PGBD2: variants seen among roughly 807,000 people sequenced by gnomAD.
PGBD2 encodes piggyBac transposable element-derived protein 2.
In PGBD2, 6 loss-of-function variants were observed where a neutral mutation model predicts 8.1. The ratio of observed to expected loss-of-function variants is 0.74; its 90% CI spans 0.40 to 1.46. PGBD2 has a LOEUF of 1.46. PGBD2 is among the 40% of genes most tolerant of loss of function. The pLI is 0.02. For missense variants in PGBD2, 802 were observed against 739.0 expected, an observed-to-expected ratio of 1.09 and a Z score of -0.99; for synonymous variants, 318 against 272.2, an observed-to-expected ratio of 1.17 and a Z score of -1.66.
rs374563843 is a variant in PGBD2 at position 248,918,147 on chromosome 1, C to T, written c.1563C>T (p.Ala521=). ...TCCTTGCCTTCCGGAGATACATTGCCTGTGTGTATCTGGAGAGCAATGCTG... is the reference window on the plus strand; with the variant it reads ...TCCTTGCCTTCCGGAGATACATTGCTTGTGTGTATCTGGAGAGCAATGCTG... ...VDLLAFRRYI[A]CVYLESNADT... is the part of the protein sequence containing the mutation. The change falls in exon 3 of 3, where the codon GCC becomes GCT. Residue 521 remains alanine, a synonymous_variant. Transcript: ENST00000329291. 9 of 1,614,078 alleles carry T rather than the reference C, an allele frequency of 5.6e-6. No homozygotes were observed. In the East Asian group the frequency reaches 1.1e-4, roughly 20 times the overall value.
chr1:248,877,726 G>A, the PGBD2 span, among the ~76,000 whole-genome samples: 1 of 152,170 alleles, frequency 6.6e-6, no homozygotes, highest in African/African-American at 2.4e-5. Flanking sequence ...TTGAGAAAGG[G>A]TGTGTTACTA....
chr1:248,883,281 G>C, the PGBD2 span, among the ~76,000 whole-genome samples: 1 of 151,778 alleles, frequency 6.6e-6, no homozygotes, highest in African/African-American at 2.4e-5. Context: ...GTGCCACTAC[G>C]CCTGGCTAAT....
intron 2 of PGBD2, among the ~76,000 whole-genome samples, chr1:248,915,778 T>A (rs1331870495): frequency 6.6e-6 from 1 of 152,178 alleles, no homozygotes; most frequent in Non-Finnish European, 1.5e-5. Flanking sequence ...CCAGATCTGC[T>A]CAGTTCTTGA....
chr1:248,875,212 C>A, the PGBD2 span, among the ~76,000 whole-genome samples: 1 of 148,008 alleles, frequency 6.8e-6, no homozygotes, highest in Non-Finnish European at 1.5e-5. Flanking sequence ...AGGAGAATGG[C>A]GTGAACCTGG....
the PGBD2 span, among the ~76,000 whole-genome samples, chr1:248,887,336 T>G: frequency 1.3e-5 from 2 of 152,226 alleles, no homozygotes; most frequent in African/African-American, 4.8e-5. Flanking sequence ...TGATGGTTCC[T>G]CAGTCTTTCC....
the PGBD2 span, among the ~76,000 whole-genome samples, chr1:248,899,747 C>A: frequency 1.4e-5 from 2 of 139,720 alleles, no homozygotes; most frequent in African/African-American, 5.4e-5. Context: ...GTGATAGAGA[C>A]ATCAAAAACC....
chr1:248,884,190 A>G, the PGBD2 span, among the ~76,000 whole-genome samples: 16 of 152,166 alleles, frequency 1.1e-4, no homozygotes, highest in Non-Finnish European at 2.1e-4. Flanking sequence ...AATTTGAGTT[A>G]AGCTGTGTTA....
At chr1:248,878,457 G>T in the PGBD2 span, among the ~76,000 whole-genome samples, 2 of 152,290 alleles carry the variant, frequency 1.3e-5, no homozygotes, top group Middle Eastern at 6.8e-3. Flanking sequence ...GATAACAGGC[G>T]TGAGCCACCG....
chr1:248,909,900 A>G (rs143060969), intron 1 of PGBD2, among the ~76,000 whole-genome samples: 1 of 152,354 alleles, frequency 6.6e-6, no homozygotes, highest in Non-Finnish European at 1.5e-5. Flanking sequence ...GCTGGGGACC[A>G]GGCTGTGAAT....
At chr1:248,881,823 C>A in the PGBD2 span, among the ~76,000 whole-genome samples, 1 of 152,066 alleles carries the variant, frequency 6.6e-6, no homozygotes, top group Non-Finnish European at 1.5e-5. Context: ...GTGCATGTAA[C>A]CTGCTGTGGT....
chr1:248,873,943 C>T, the PGBD2 span, among the ~76,000 whole-genome samples: 202 of 152,290 alleles, frequency 1.3e-3, no homozygotes, highest in Admixed American at 2.9e-3. Flanking sequence ...GGCGTGGGTT[C>T]GAATCCCACT....
the PGBD2 span, among the ~76,000 whole-genome samples, chr1:248,892,243 TTCCCTCCC>T: frequency 3.8e-3 from 379 of 100,022 alleles, 1 homozygote; most frequent in East Asian, 0.018. Flanking sequence ...TGTTCCTTCC[TTCCCTCCC>T]TCCCTCCCTC....
intron 1 of PGBD2, among the ~76,000 whole-genome samples, chr1:248,909,392 T>C (rs1661782707): frequency 6.6e-6 from 1 of 152,190 alleles, no homozygotes; most frequent in Non-Finnish European, 1.5e-5. Flanking sequence ...TAGGAGTATA[T>C]TTTAGTTAGG....
upstream of PGBD2, among the ~76,000 whole-genome samples, chr1:248,906,037 A>C (rs528222762): frequency 6.8e-6 from 1 of 147,754 alleles, no homozygotes; most frequent in Non-Finnish European, 1.5e-5. Context: ...CAGGGGTGGG[A>C]GGGTAAGGGA....
the PGBD2 span, among the ~76,000 whole-genome samples, chr1:248,894,986 T>G: frequency 0.22 from 33,370 of 151,948 alleles, 8,724 homozygotes; most frequent in African/African-American, 0.63. Flanking sequence ...GTTAATTTTT[T>G]TAGAGATGGG....
the PGBD2 span, among the ~76,000 whole-genome samples, chr1:248,875,299 AAAAC>A: frequency 7.1e-6 from 1 of 140,764 alleles, no homozygotes; most frequent in Non-Finnish European, 1.5e-5. Flanking sequence ...CCGTCTCAAA[AAAAC>A]AAAACAAAAA....
the PGBD2 span, among the ~76,000 whole-genome samples, chr1:248,925,780 G>A: frequency 2.0e-5 from 3 of 151,954 alleles, no homozygotes; most frequent in Non-Finnish European, 4.4e-5. Flanking sequence ...TTCAGATTTT[G>A]CCCCCCAAAA....
downstream of PGBD2, among the ~76,000 whole-genome samples, chr1:248,921,636 A>T (rs981661792): frequency 2.0e-5 from 3 of 152,168 alleles, no homozygotes; most frequent in African/African-American, 7.2e-5. Context: ...TTAGTTCCAC[A>T]TGAAATTTAA....
the PGBD2 span, among the ~76,000 whole-genome samples, chr1:248,890,920 A>G: frequency 6.6e-6 from 1 of 150,674 alleles, no homozygotes; most frequent in Non-Finnish European, 1.5e-5. Context: ...CATGCACCAC[A>G]CACCACACCT....
Sources: gnomAD v4.1 joint callset for allele counts (sites outside exome capture counted in the v4.1 genomes callset) on GRCh38, gnomAD v4.1.1 for gene constraint, MANE v1.5 for transcripts, NCBI Gene and HGNC (gene_info 2026-07-23, HGNC 2026-07-21) for gene names.